Variants in EYS observed in about 807,000 individuals in gnomAD.
EYS encodes EGF-like photoreceptor maintenance factor, also known as protein eyes shut homolog.
In EYS, 250 loss-of-function variants were observed where a neutral mutation model predicts 282.1. The ratio of observed to expected loss-of-function variants is 0.89; its 90% CI spans 0.80 to 0.98. The LOEUF is 0.98. Among genes scored for constraint, EYS ranks in the 50% least tolerant of loss-of-function variants. EYS has a pLI of 0.00. For missense variants in EYS, 4,016 were observed against 3,709.0 expected (o/e 1.08, Z -2.15); for synonymous variants, 1,355 against 1,282.9 (o/e 1.06, Z -1.20).
At chr6:64,799,768 A>G (rs1045536360) in intron 22 of EYS, among the ~76,000 whole-genome samples, 2 of 151,650 alleles carry the variant, frequency 1.3e-5, no homozygotes, top group African/African-American at 4.8e-5. Context: ...AAACATTTAT[A>G]GTTTTAAAAT....
At chr6:65,435,497 GTC>G in intron 5 of EYS, among the ~76,000 whole-genome samples, 1 of 152,114 alleles carries the variant, frequency 6.6e-6, no homozygotes, top group East Asian at 1.9e-4. Flanking sequence ...CATGTTTACA[GTC>G]TCTTATGGAA....
intron 31 of EYS, among the ~76,000 whole-genome samples, chr6:64,088,415 C>T (rs1772233452): frequency 6.6e-6 from 1 of 151,814 alleles, no homozygotes; most frequent in African/African-American, 2.4e-5. Flanking sequence ...GTTTGAATGT[C>T]TTAAAAGATC....
intron 26 of EYS, among the ~76,000 whole-genome samples, chr6:64,533,837 G>A (rs928760621): frequency 3.6e-4 from 54 of 151,612 alleles, no homozygotes; most frequent in African/African-American, 1.3e-3. Context: ...ATATGCACAT[G>A]CATATGCATA....
chr6:64,744,467 C>G (rs1004186637), intron 22 of EYS, among the ~76,000 whole-genome samples: 2 of 152,162 alleles, frequency 1.3e-5, no homozygotes, highest in Non-Finnish European at 2.9e-5. Flanking sequence ...TAAGACTCCT[C>G]TCACATGTTC....
At chr6:64,986,454 T>G (rs1770860548) in intron 14 of EYS, among the ~76,000 whole-genome samples, 3 of 151,346 alleles carry the variant, frequency 2.0e-5, no homozygotes, top group Non-Finnish European at 3.0e-5. Context: ...CTGCCTTGAA[T>G]TATTGGAAGA....
rs141298321 is a variant in EYS, at chr6:64,789,709, T to A, written c.3443+23669A>T. Among the ~76,000 whole-genome samples, 148 of 152,176 alleles carry A rather than the reference T, an allele frequency of 9.7e-4. 1 individual carries two copies. The highest frequency in any genetic ancestry group is 1.4e-3 in the Non-Finnish European group (94 of 67,980). On this transcript the variant is annotated intron_variant, in intron 22 of 42. Transcript: ENST00000503581. ...ACTTCCTGTGCTCTAACCTCAAGACTGTAAGCCTTTCTTTTTTTTAAAACT... is the reference window on the plus strand; with the variant it reads ...ACTTCCTGTGCTCTAACCTCAAGACAGTAAGCCTTTCTTTTTTTTAAAACT...
At chr6:65,562,340 A>G (rs1769096842) in intron 2 of EYS, among the ~76,000 whole-genome samples, 2 of 152,078 alleles carry the variant, frequency 1.3e-5, no homozygotes, top group African/African-American at 4.8e-5. Flanking sequence ...GGTCATAGCC[A>G]AACAATTTGA....
chr6:65,337,464 C>T (rs1329219528), intron 10 of EYS, among the ~76,000 whole-genome samples: 8 of 151,168 alleles, frequency 5.3e-5, no homozygotes, highest in South Asian at 2.1e-4. Flanking sequence ...AATAAACACT[C>T]GTATAAGAAG....
At chr6:65,026,397 A>G (rs1222821832) in intron 13 of EYS, among the ~76,000 whole-genome samples, 2 of 152,198 alleles carry the variant, frequency 1.3e-5, no homozygotes, top group Non-Finnish European at 2.9e-5. Context: ...AGTAATAGGA[A>G]GGAAATGCAT....
intron 22 of EYS, among the ~76,000 whole-genome samples, chr6:64,703,429 A>AT (rs1554194865): frequency 0.11 from 2,562 of 23,534 alleles, 468 homozygotes; most frequent in Middle Eastern, 0.25. Flanking sequence ...ATATATATAT[A>AT]TTTTTTTTTT....
intron 31 of EYS, among the ~76,000 whole-genome samples, chr6:64,139,858 A>G (rs1774282150): frequency 6.6e-6 from 1 of 151,892 alleles, no homozygotes; most frequent in African/African-American, 2.4e-5. Context: ...AATCCTAGCT[A>G]CTTGGGAGGC....
At chr6:64,982,424 C>T (rs1770708077) in intron 14 of EYS, among the ~76,000 whole-genome samples, 1 of 151,418 alleles carries the variant, frequency 6.6e-6, no homozygotes, top group South Asian at 2.1e-4. Flanking sequence ...TTTTATTCTA[C>T]ATTTTATGTG....
At chr6:64,951,657 G>C (rs186533044) in intron 14 of EYS, among the ~76,000 whole-genome samples, 122 of 151,678 alleles carry the variant, frequency 8.0e-4, no homozygotes, top group African/African-American at 2.8e-3. Flanking sequence ...ATCTATAAAA[G>C]AGACAAAGAA....
chr6:64,234,502 T>G (rs917367805), intron 30 of EYS, among the ~76,000 whole-genome samples: 1 of 151,748 alleles, frequency 6.6e-6, no homozygotes, highest in African/African-American at 2.4e-5. Context: ...TTGTTTTAAG[T>G]TTTTTTCTTG....
At chr6:63,742,361 G>T (rs1769097515) in intron 41 of EYS, among the ~76,000 whole-genome samples, 3 of 152,108 alleles carry the variant, frequency 2.0e-5, no homozygotes, top group Admixed American at 6.6e-5. Flanking sequence ...TTGGATGTGG[G>T]TCAGGCACTG....
intron 22 of EYS, among the ~76,000 whole-genome samples, chr6:64,691,028 A>C (rs1376984613): frequency 6.6e-6 from 1 of 152,038 alleles, no homozygotes. Context: ...CATATATAAT[A>C]TTAAAAGAGG....
chr6:64,448,815 C>T (rs552725806), intron 26 of EYS, among the ~76,000 whole-genome samples: 2 of 152,282 alleles, frequency 1.3e-5, no homozygotes, highest in East Asian at 1.9e-4. Context: ...AGAAGGAAAA[C>T]TAACAAACAG....
At position 64,116,653 on chromosome 6, in the gene EYS, GAA is replaced by G. The variant is rs1773395984; in HGVS notation, c.6425-34653_6425-34652del. Among the ~76,000 whole-genome samples the G allele has an allele frequency of 2.6e-5, 4 of 152,242 alleles. No individual in the cohort carries two copies. In the South Asian group the frequency reaches 6.2e-4, roughly 24 times the overall value. Reference sequence around the variant, plus strand: ...CCTACTCACTTCAGTTTGAAGGACTGAAAGATAAAATGTCTTTAAGGACTGAG... The same window carrying G: ...CCTACTCACTTCAGTTTGAAGGACTGAGATAAAATGTCTTTAAGGACTGAG... On this transcript the variant is annotated intron_variant, in intron 31 of 42. Transcript: ENST00000503581.
chr6:65,390,475 A>G (rs1472895951), intron 7 of EYS, among the ~76,000 whole-genome samples: 2 of 151,908 alleles, frequency 1.3e-5, no homozygotes, highest in Non-Finnish European at 2.9e-5. Context: ...AACGCTGTCT[A>G]TACACTTCAC....
Sources: allele counts gnomAD v4.1 joint callset (sites outside exome capture counted in the v4.1 genomes callset), GRCh38; gene constraint gnomAD v4.1.1; transcripts MANE v1.5; gene names NCBI Gene and HGNC (gene_info 2026-07-23, HGNC 2026-07-21).